The following KDM3B variants were observed in gnomAD, a reference collection of about 807,000 sequenced individuals.
KDM3B encodes the protein lysine demethylase 3B.
In KDM3B, 10 loss-of-function variants were observed where a neutral mutation model predicts 170.0. The ratio of observed to expected loss-of-function variants is 0.06; its 90% confidence interval spans 0.04 to 0.10. The LOEUF (loss-of-function observed/expected upper bound fraction) is 0.10, where lower values mean the gene tolerates loss of function less well. Ranked by LOEUF, KDM3B falls within the 10% of genes least tolerant of loss-of-function variation. The probability of loss-of-function intolerance (pLI) is 1.00; values close to 1 mark genes in which losing one functional copy is unlikely to be tolerated. For missense variants in KDM3B, 1,394 were observed against 2,195.2 expected, an observed-to-expected ratio of 0.64 and a Z score of 7.29; for synonymous variants, 831 against 834.8, an observed-to-expected ratio of 1.00 and a Z score of 0.08.
At chr5:138,358,227 C>T (rs1330727228) in intron 1 of KDM3B, among the ~76,000 whole-genome samples, 1 of 151,792 alleles carries the variant, frequency 6.6e-6, no homozygotes, top group Non-Finnish European at 1.5e-5. Flanking sequence ...AGGTGATCTG[C>T]CTGCCTCGGC....
At chr5:138,431,352 A>T in intron 22 of KDM3B, 73 bp from the exon 23 acceptor site, 1 of 1,287,858 alleles carries the variant, frequency 7.8e-7, no homozygotes, top group Admixed American at 2.5e-5. Flanking sequence ...TTTTAACTAT[A>T]TCATGGACAT....
intron 15 of KDM3B, among the ~76,000 whole-genome samples, chr5:138,422,594 C>T (rs143302996): frequency 4.1e-4 from 63 of 152,150 alleles, no homozygotes; most frequent in African/African-American, 1.2e-3. Flanking sequence ...GAGCCAAGAT[C>T]GCACCACCGC....
intron 2 of KDM3B, among the ~76,000 whole-genome samples, chr5:138,374,056 C>T (rs1036266742): frequency 2.0e-5 from 3 of 152,116 alleles, no homozygotes; most frequent in East Asian, 1.9e-4. Context: ...TGCAGTGGCA[C>T]GATCTAGGCT....
At position 138,386,147 on chromosome 5, in the gene KDM3B, A is replaced by G; in HGVS notation, c.906A>G (p.Leu302=). The change falls in exon 7 of 24, where the codon TTA becomes TTG. Residue 302 remains leucine (L), a synonymous_variant. Coordinates refer to ENST00000314358, the MANE Select transcript of KDM3B (RefSeq NM_016604.4). The part of the protein sequence containing the change: ...DSGCDPASKK[L]KGDRGEVDSN... The stretch of plus-strand genomic sequence containing the variant: ...GGTGTGACCCTGCATCAAAGAAATT[A>G]AAAGGAGACAGGGGTGAAGTAGACA... 6.2e-7 allele frequency: 1 copy of G among 1,614,202 alleles called. No individual in the cohort carries two copies. Among genetic ancestry groups the G allele is most frequent in the Non-Finnish European group, 8.5e-7 (1 of 1,180,038 alleles).
intron 20 of KDM3B, 130 bp downstream of exon 20, chr5:138,428,216 T>TTG (rs1763443437): frequency 3.4e-5 from 32 of 930,928 alleles, no homozygotes; most frequent in Non-Finnish European, 4.1e-5. Flanking sequence ...TTTTTTTTTT[T>TTG]GGGGGGCGGG....
chr5:138,363,766 T>C (rs978015065), intron 1 of KDM3B, among the ~76,000 whole-genome samples: 15 of 152,190 alleles, frequency 9.9e-5, no homozygotes, highest in African/African-American at 3.4e-4. Flanking sequence ...CAGGATGGCC[T>C]CGATCTCCTG....
chr5:138,385,916 G>A, intron 6 of KDM3B, 106 bp from the exon 7 acceptor site: 1 of 1,351,268 alleles, frequency 7.4e-7, no homozygotes, highest in East Asian at 2.3e-5. Flanking sequence ...GAACTTGGCA[G>A]TCTATGCCTG....
At chr5:138,374,584 A>G (rs541805613) in intron 2 of KDM3B, among the ~76,000 whole-genome samples, 137 of 152,290 alleles carry the variant, frequency 9.0e-4, no homozygotes, top group Middle Eastern at 6.8e-3. Flanking sequence ...GCCACTTTCC[A>G]GTTGAACTTT....
At chr5:138,393,906 G>A (rs1477260015) in intron 9 of KDM3B, among the ~76,000 whole-genome samples, 1 of 152,018 alleles carries the variant, frequency 6.6e-6, no homozygotes, top group African/African-American at 2.4e-5. Flanking sequence ...TCTTCTGAGT[G>A]ACCTTTCAAG....
chr5:138,379,788 G>A, intron 5 of KDM3B, 80 bp downstream of exon 5: 2 of 1,360,492 alleles, frequency 1.5e-6, no homozygotes, highest in Non-Finnish European at 2.0e-6. Context: ...ACTTCATTAT[G>A]TGTAAGATGA....
chr5:138,411,330 G>A (rs1276708345), intron 11 of KDM3B, among the ~76,000 whole-genome samples: 1 of 152,172 alleles, frequency 6.6e-6, no homozygotes, highest in Non-Finnish European at 1.5e-5. Context: ...TGATTATAGA[G>A]CGAGGATTAT....
intron 5 of KDM3B, among the ~76,000 whole-genome samples, chr5:138,381,014 A>G (rs1404066637): frequency 2.0e-5 from 3 of 152,060 alleles, no homozygotes; most frequent in Non-Finnish European, 4.4e-5. Flanking sequence ...CGCTGAGATT[A>G]CAGACACGCC....
intron 7 of KDM3B, 42 bp downstream of exon 7, chr5:138,386,663 T>C: frequency 6.3e-7 from 1 of 1,576,512 alleles, no homozygotes; most frequent in Non-Finnish European, 8.6e-7. Flanking sequence ...TTGGGTTTAC[T>C]CTTTCGCCCT....
Position 138,352,893 on chromosome 5 carries a change from C to A in KDM3B, c.98C>A (p.Ala33Glu). The A allele has an allele frequency of 7.3e-7, 1 of 1,374,614 alleles. No homozygotes were observed. Among genetic ancestry groups the A allele is most frequent in the Non-Finnish European group, 9.4e-7 (1 of 1,061,608 alleles). The allele number at this position is 1,374,614 out of a possible 1,614,324, so 85.2% of individuals were successfully genotyped here. A position where few individuals can be genotyped will look rare whatever the true frequency, so the allele number is the denominator to read the frequency against. Residue 33 changes from alanine (A) to glutamate (E), a missense_variant, in exon 1 of 24, where the codon GCG becomes GAG. Ala to Glu is a moderately radical substitution (Grantham distance 107). This residue lies in a region of KDM3B where 99 missense variants were observed against 97.5 expected (regional missense o/e 1.02). Transcript: ENST00000314358. The part of the protein sequence containing the change: ...SASASAPAAA[A>E]ASGDPGPALR... ...TCGGCCTCGGCTCCCGCGGCGGCAG[C>A]GGCGAGCGGAGATCCGGGGCCTGCG... is the stretch of plus-strand genomic sequence containing the variant.
chr5:138,413,248 T>C (rs538237135), intron 11 of KDM3B, among the ~76,000 whole-genome samples: 22 of 152,102 alleles, frequency 1.4e-4, no homozygotes, highest in Admixed American at 3.9e-4. Context: ...TTGGGCATAG[T>C]GGCACGCACT....
chr5:138,376,069 C>T (rs1488108723), intron 3 of KDM3B, among the ~76,000 whole-genome samples: 3 of 151,928 alleles, frequency 2.0e-5, no homozygotes, highest in Admixed American at 6.6e-5. Flanking sequence ...GTCCACCTCC[C>T]GGTTTCAAGT....
intron 13 of KDM3B, chr5:138,417,896 A>C (rs1763143475): frequency 3.8e-6 from 1 of 261,264 alleles, no homozygotes; most frequent in Admixed American, 4.8e-5. Flanking sequence ...TTGTATGGGT[A>C]AAGAATATAG....
intron 1 of KDM3B, among the ~76,000 whole-genome samples, chr5:138,360,824 G>A (rs181087315): frequency 1.5e-3 from 231 of 152,080 alleles, no homozygotes; most frequent in Middle Eastern, 6.8e-3. Flanking sequence ...ACTCCTGACC[G>A]CAAGTGATCT....
At chr5:138,419,688 T>TACAC (rs1554131127) in intron 14 of KDM3B, among the ~76,000 whole-genome samples, 33 of 119,112 alleles carry the variant, frequency 2.8e-4, no homozygotes, top group African/African-American at 1.0e-3. Context: ...TATATATATA[T>TACAC]ACATATATAT....
Sources: gnomAD v4.1 joint callset for allele counts (sites outside exome capture counted in the v4.1 genomes callset) on GRCh38, gnomAD v4.1.1 for gene constraint, gnomAD v4.1.1 regional missense constraint, MANE v1.5 for transcripts, NCBI Gene and HGNC (gene_info 2026-07-23, HGNC 2026-07-21) for gene names.